Variants in KIAA1328 observed in about 807,000 individuals in gnomAD.
The protein encoded by KIAA1328 is KIAA1328, also known as protein hinderin.
Under a neutral mutation model 68.1 loss-of-function variants are expected in KIAA1328, and 52 were observed. The ratio of observed to expected loss-of-function variants is 0.76; its 90% confidence interval spans 0.61 to 0.96. The LOEUF (loss-of-function observed/expected upper bound fraction) is 0.96. Ranked by LOEUF, KIAA1328 falls within the 40% of genes least tolerant of loss-of-function variation. KIAA1328 has a pLI of 0.00. For synonymous variants in KIAA1328, 232 were observed against 239.4 expected, an observed-to-expected ratio of 0.97 and a Z score of 0.28; for missense variants, 641 against 677.6, an observed-to-expected ratio of 0.95 and a Z score of 0.60.
chr18:37,036,974 A>G (rs969278825), intron 6 of KIAA1328, among the ~76,000 whole-genome samples: 8 of 152,218 alleles, frequency 5.3e-5, no homozygotes, highest in Non-Finnish European at 1.0e-4. Context: ...GAAACCATAT[A>G]TTAAAATTTT....
chr18:36,915,980 A>C (rs1341722053), intron 5 of KIAA1328, among the ~76,000 whole-genome samples: 1 of 152,210 alleles, frequency 6.6e-6, no homozygotes, highest in African/African-American at 2.4e-5. Flanking sequence ...ACTGTTTCTG[A>C]TAAGTGTGTC....
At chr18:36,995,786 A>G (rs2053366689) in intron 6 of KIAA1328, among the ~76,000 whole-genome samples, 1 of 152,198 alleles carries the variant, frequency 6.6e-6, no homozygotes, top group Non-Finnish European at 1.5e-5. Context: ...CCTTTCTCCT[A>G]TTCCTCCTTT....
At chr18:36,990,056 C>A (rs1265907405) in intron 6 of KIAA1328, among the ~76,000 whole-genome samples, 2 of 152,056 alleles carry the variant, frequency 1.3e-5, no homozygotes, top group African/African-American at 4.8e-5. Context: ...TCCTGGTCTT[C>A]GGAAGGAATT....
chr18:36,877,346 G>A (rs2048163021), intron 4 of KIAA1328, among the ~76,000 whole-genome samples: 1 of 152,090 alleles, frequency 6.6e-6, no homozygotes, highest in Non-Finnish European at 1.5e-5. Flanking sequence ...CTTTATGAAT[G>A]TAGGTGCTCC....
chr18:37,202,949 C>A (rs1204230745), intron 9 of KIAA1328, among the ~76,000 whole-genome samples: 1 of 151,642 alleles, frequency 6.6e-6, no homozygotes, highest in African/African-American at 2.4e-5. Context: ...TTTCAAAAAG[C>A]AAAAACCTTT....
In KIAA1328 at chr18:37,222,503, G is replaced by T. The variant is rs1361961414; in HGVS notation, c.*276G>T. The T allele has an allele frequency of 1.6e-6, 2 of 1,227,728 alleles. No homozygotes were observed. Among genetic ancestry groups the T allele is most frequent in the Non-Finnish European group, 2.0e-6 (2 of 977,480 alleles). The allele number at this position is 1,227,728 out of a possible 1,614,324, so 76.1% of individuals were successfully genotyped here. On this transcript the variant is annotated 3_prime_UTR_variant, in exon 10 of 10. Transcript: ENST00000280020. ...AATTAACATAGGATACTTTCTGCGT[G>T]GTGGAAACCATTGCATATTCAGCCT...
At chr18:37,071,157 T>C (rs960849413) in intron 7 of KIAA1328, among the ~76,000 whole-genome samples, 27 of 149,040 alleles carry the variant, frequency 1.8e-4, no homozygotes, top group African/African-American at 5.7e-4. Context: ...GCTGCAGCCT[T>C]GACCTCCTGG....
chr18:37,032,827 G>C (rs1458546284), intron 6 of KIAA1328, among the ~76,000 whole-genome samples: 1 of 152,060 alleles, frequency 6.6e-6, no homozygotes, highest in Non-Finnish European at 1.5e-5. Flanking sequence ...TTTTATTAGA[G>C]ACAGGGTTTC....
chr18:37,070,481 C>A (rs2056486314), intron 7 of KIAA1328, among the ~76,000 whole-genome samples: 1 of 151,684 alleles, frequency 6.6e-6, no homozygotes, highest in South Asian at 2.1e-4. Context: ...AATATTTATA[C>A]TTCTGTTCTT....
intron 9 of KIAA1328, among the ~76,000 whole-genome samples, chr18:37,207,895 CG>C (rs1486168458): frequency 6.6e-6 from 1 of 152,192 alleles, no homozygotes; most frequent in Non-Finnish European, 1.5e-5. Flanking sequence ...CCACAACCTC[CG>C]CCTCCTGGGT....
chr18:37,123,579 T>C (rs2058322857), intron 7 of KIAA1328, among the ~76,000 whole-genome samples: 1 of 152,152 alleles, frequency 6.6e-6, no homozygotes, highest in Admixed American at 6.6e-5. Flanking sequence ...ACAGTAAGAA[T>C]ACATTAAATT....
At chr18:36,846,766 G>A (rs778163550) in intron 4 of KIAA1328, among the ~76,000 whole-genome samples, 2 of 151,282 alleles carry the variant, frequency 1.3e-5, no homozygotes, top group African/African-American at 4.8e-5. Flanking sequence ...GGTTTGGATG[G>A]GGGGTGGTAA....
intron 9 of KIAA1328, among the ~76,000 whole-genome samples, chr18:37,215,776 C>T (rs182761724): frequency 5.5e-3 from 832 of 152,242 alleles, no homozygotes; most frequent in Non-Finnish European, 9.6e-3. Context: ...TCCTTCTGGT[C>T]CTGGACTTTT....
At chr18:37,024,544 C>G (rs1393879139) in intron 6 of KIAA1328, among the ~76,000 whole-genome samples, 5 of 135,796 alleles carry the variant, frequency 3.7e-5, no homozygotes, top group Non-Finnish European at 6.3e-5. Context: ...CACCCCACAA[C>G]CAGCCCCGGT....
downstream of KIAA1328, among the ~76,000 whole-genome samples, chr18:37,226,025 C>G (rs1213635423): frequency 2.0e-5 from 3 of 152,106 alleles, no homozygotes; most frequent in African/African-American, 7.2e-5. Context: ...AAGATCCCCC[C>G]TAATTTGAAA....
intron 7 of KIAA1328, among the ~76,000 whole-genome samples, chr18:37,097,804 G>T (rs1466095936): frequency 6.6e-6 from 1 of 152,064 alleles, no homozygotes; most frequent in Non-Finnish European, 1.5e-5. Flanking sequence ...CTTGTAAGTT[G>T]GATTCCTAGG....
intron 7 of KIAA1328, among the ~76,000 whole-genome samples, chr18:37,077,659 A>G (rs1258095908): frequency 2.7e-5 from 4 of 148,692 alleles, no homozygotes; most frequent in Non-Finnish European, 4.4e-5. Flanking sequence ...TCAATGTGCA[A>G]AAATCACAAG....
rs1219798631 is a variant in KIAA1328, at chr18:37,216,990, G to GT, written c.1524-5024dup. On this transcript the variant is annotated intron_variant, in intron 9 of 9. Coordinates refer to ENST00000280020, the MANE Select transcript of KIAA1328 (RefSeq NM_020776.3). ...CCTGCTTTTTTTTTGTTTTTTTTTT[G>GT]TTTGTTTTTTTTTTGCTTTCCATTT... 1.5e-3 allele frequency among the ~76,000 whole-genome samples: 61 copies of GT among 39,500 alleles called. 1 individual carries two copies. Among genetic ancestry groups the GT allele is most frequent in the African/African-American group, 8.0e-3 (59 of 7,336 alleles). 25.9% of individuals were successfully genotyped at this position (39,500 alleles called of 152,430 possible). A position where few individuals can be genotyped will look rare whatever the true frequency, so the allele number is the denominator to read the frequency against.
At chr18:37,069,738 C>A (rs2056463658) in intron 7 of KIAA1328, among the ~76,000 whole-genome samples, 1 of 152,110 alleles carries the variant, frequency 6.6e-6, no homozygotes, top group Non-Finnish European at 1.5e-5. Context: ...ATCTGCCTTG[C>A]CACAGGTTTG....
Sources: gnomAD v4.1 joint callset for allele counts (sites outside exome capture counted in the v4.1 genomes callset) on GRCh38, gnomAD v4.1.1 for gene constraint, MANE v1.5 for transcripts, NCBI Gene and HGNC (gene_info 2026-07-23, HGNC 2026-07-21) for gene names.